Variants in CCNY observed in about 807,000 individuals in gnomAD.
CCNY encodes the protein cyclin Y, also known as cyclin-Y.
CCNY carries 19 observed loss-of-function variants against 42.8 expected under a neutral mutation model. That is an observed-to-expected ratio of 0.44 (90% CI 0.31 to 0.65). CCNY has a LOEUF of 0.65. Ranked by LOEUF, CCNY falls within the 30% of genes least tolerant of loss-of-function variation. The probability of loss-of-function intolerance (pLI) is 0.07; values close to 1 mark genes in which losing one functional copy is unlikely to be tolerated. For synonymous variants in CCNY, 165 were observed against 162.7 expected, an observed-to-expected ratio of 1.01 and a Z score of -0.11; for missense variants, 370 against 437.3, an observed-to-expected ratio of 0.85 and a Z score of 1.37.
intron 3 of CCNY, among the ~76,000 whole-genome samples, chr10:35,504,239 T>A (rs1840170659): frequency 6.6e-6 from 1 of 152,182 alleles, no homozygotes. Context: ...AGGACCATGA[T>A]AACTGCAGGG....
At chr10:35,280,518 T>C (rs992647624) in intron 3 of CCNY, among the ~76,000 whole-genome samples, 71 of 151,596 alleles carry the variant, frequency 4.7e-4, no homozygotes, top group African/African-American at 1.7e-3. Context: ...AAGAGTCTTT[T>C]CAACAAATGA....
chr10:35,464,228 T>C (rs183957365), intron 1 of CCNY, among the ~76,000 whole-genome samples: 121 of 152,314 alleles, frequency 7.9e-4, no homozygotes, highest in African/African-American at 2.7e-3. Flanking sequence ...CAACCACTGC[T>C]TGTCACTCTC....
intron 3 of CCNY, among the ~76,000 whole-genome samples, chr10:35,266,690 G>A (rs1208725275): frequency 6.6e-6 from 1 of 152,168 alleles, no homozygotes; most frequent in East Asian, 1.9e-4. Flanking sequence ...CATCAGGAAG[G>A]GTGTCATTAA....
intron 3 of CCNY, among the ~76,000 whole-genome samples, chr10:35,258,311 C>T (rs892686016): frequency 7.2e-5 from 11 of 152,198 alleles, no homozygotes; most frequent in Non-Finnish European, 1.0e-4. Flanking sequence ...TCTTCTGAGG[C>T]CTCTTCTGAG....
At chr10:35,507,905 T>C (rs952036741) in intron 3 of CCNY, among the ~76,000 whole-genome samples, 1 of 152,156 alleles carries the variant, frequency 6.6e-6, no homozygotes, top group African/African-American at 2.4e-5. Flanking sequence ...CTTGCCCTTT[T>C]CAAGACATCA....
intron 3 of CCNY, among the ~76,000 whole-genome samples, chr10:35,309,035 A>AT (rs1429774428): frequency 6.6e-6 from 1 of 152,100 alleles, no homozygotes; most frequent in Non-Finnish European, 1.5e-5. Flanking sequence ...GCTTAGGGGA[A>AT]TGTGTGGGAA....
intron 1 of CCNY, among the ~76,000 whole-genome samples, chr10:35,400,727 C>T (rs747987376): frequency 3.3e-5 from 5 of 152,046 alleles, no homozygotes; most frequent in Admixed American, 6.5e-5. Flanking sequence ...AAAGCAAGGG[C>T]GTGTTTTCTC....
At chr10:35,520,607 C>A (rs1398103268) in intron 4 of CCNY, among the ~76,000 whole-genome samples, 2 of 152,230 alleles carry the variant, frequency 1.3e-5, no homozygotes, top group East Asian at 3.9e-4. Context: ...AATAATCCAC[C>A]TGTAAAGTGG....
chr10:35,488,362 C>CT (rs1332054922), intron 2 of CCNY, among the ~76,000 whole-genome samples: 1 of 152,210 alleles, frequency 6.6e-6, no homozygotes, highest in Non-Finnish European at 1.5e-5. Context: ...TTGTCCTCCT[C>CT]TTATCTAGCA....
chr10:35,428,224 C>CA (rs1589114619), intron 1 of CCNY, among the ~76,000 whole-genome samples: 1 of 152,170 alleles, frequency 6.6e-6, no homozygotes, highest in African/African-American at 2.4e-5. Flanking sequence ...GAGATCAAGC[C>CA]ACCCCAATGA....
intron 3 of CCNY, among the ~76,000 whole-genome samples, chr10:35,266,249 CTTTTTTTTTTT>C (rs773886027): frequency 8.2e-5 from 9 of 110,126 alleles, no homozygotes; most frequent in Non-Finnish European, 1.3e-4. Flanking sequence ...GGCTAATTTC[CTTTTTTTTTTT>C]TTTTTTTTTT....
At chr10:35,292,781 GTT>G (rs71033391) in intron 3 of CCNY, among the ~76,000 whole-genome samples, 1 of 108,756 alleles carries the variant, frequency 9.2e-6, no homozygotes. Flanking sequence ...CTTTGTTTTT[GTT>G]TTTTTTTTTT....
intron 3 of CCNY, among the ~76,000 whole-genome samples, chr10:35,297,583 A>G (rs575733422): frequency 6.6e-6 from 1 of 152,172 alleles, no homozygotes; most frequent in Non-Finnish European, 1.5e-5. Context: ...ATGATTCTAT[A>G]TCTAGAAAAC....
At chr10:35,344,043 G>C (rs1452080529) in intron 1 of CCNY, among the ~76,000 whole-genome samples, 1 of 152,188 alleles carries the variant, frequency 6.6e-6, no homozygotes, top group South Asian at 2.1e-4. Context: ...GTTTATAGCT[G>C]GAAGAAGGGT....
chr10:35,405,038 A>T (rs2135235956), intron 1 of CCNY, among the ~76,000 whole-genome samples: 1 of 152,222 alleles, frequency 6.6e-6, no homozygotes, highest in East Asian at 1.9e-4. Flanking sequence ...GGAGGTATTG[A>T]GGATAGGAGA....
chr10:35,494,791 A>C (rs756878965), intron 2 of CCNY, among the ~76,000 whole-genome samples: 4 of 152,246 alleles, frequency 2.6e-5, no homozygotes, highest in African/African-American at 9.6e-5. Context: ...ACATACTTAT[A>C]TACAAATACA....
chr10:35,501,576 A>G (rs1564436543), intron 3 of CCNY, 41 bp downstream of exon 3: 1 of 1,567,482 alleles, frequency 6.4e-7, no homozygotes, highest in Non-Finnish European at 8.8e-7. Context: ...TAATGACTGT[A>G]CAGTGTAAAG....
chr10:35,292,933 C>T (rs529940713), intron 3 of CCNY, among the ~76,000 whole-genome samples: 1 of 151,966 alleles, frequency 6.6e-6, no homozygotes, highest in South Asian at 2.1e-4. Context: ...ACACCTGTTA[C>T]CACGCCTAGC....
chr10:35,529,888 T>A, intron 5 of CCNY, 85 bp from the exon 6 acceptor site: 2 of 1,250,432 alleles, frequency 1.6e-6, no homozygotes, highest in Non-Finnish European at 1.1e-6. Context: ...AAAAAAAAAG[T>A]CATTGAATTA....
Sources: allele counts gnomAD v4.1 joint callset (sites outside exome capture counted in the v4.1 genomes callset), GRCh38; gene constraint gnomAD v4.1.1; transcripts MANE v1.5; gene names NCBI Gene and HGNC (gene_info 2026-07-23, HGNC 2026-07-21).